The following CLTCL1 variants were observed in gnomAD, a reference collection of about 807,000 sequenced individuals.
The protein encoded by CLTCL1 is clathrin heavy chain like 1.
A neutral mutation model predicts 190.0 loss-of-function variants in CLTCL1; 159 were observed. That is an observed-to-expected ratio of 0.84 (90% CI 0.74 to 0.95). The LOEUF (loss-of-function observed/expected upper bound fraction) is 0.95, where lower values mean the gene tolerates loss of function less well. CLTCL1 is among the 40% of genes least tolerant of loss of function. The pLI, the probability that CLTCL1 is intolerant of heterozygous loss-of-function variation, is 0.00. For missense variants in CLTCL1, 1,878 were observed against 2,033.4 expected (o/e 0.92, Z 1.47); for synonymous variants, 752 against 769.6 (o/e 0.98, Z 0.38).
At chr22:19,258,824 AC>A in intron 2 of CLTCL1, 2 of 658,054 alleles carry the variant, frequency 3.0e-6, no homozygotes, top group South Asian at 1.5e-5. Context: ...GAAGCAGGGT[AC>A]CCTTTGGGGA....
chr22:19,191,400 C>T lies in CLTCL1; in HGVS notation c.4227G>A (p.Gln1409=). The T allele has an allele frequency of 6.2e-7, 1 of 1,613,970 alleles. No homozygotes were observed. The highest frequency in any genetic ancestry group is 8.5e-7 in the Non-Finnish European group (1 of 1,179,892). ...GCAGTGGTTTGTAATCCAAATAGAA[C>T]TGCAGGGCTCTGTAACAGAGCTCGA... is the stretch of plus-strand genomic sequence containing the variant. ...ANVELCYRAL[Q]FYLDYKPLLI... The change falls in exon 27 of 33, where the codon CAG becomes CAA. Residue 1409 remains glutamine (Q), a synonymous_variant. Transcript: ENST00000427926.
At chr22:19,262,868 T>C (rs1555976218) in intron 2 of CLTCL1, among the ~76,000 whole-genome samples, 1 of 151,156 alleles carries the variant, frequency 6.6e-6, no homozygotes, top group African/African-American at 2.4e-5. Flanking sequence ...CCATCTCTAC[T>C]AAAAATACAA....
chr22:19,281,616 T>C (rs1231408843), intron 1 of CLTCL1, among the ~76,000 whole-genome samples: 1 of 152,210 alleles, frequency 6.6e-6, no homozygotes, highest in African/African-American at 2.4e-5. Context: ...CTTGTCTACC[T>C]ATCTGGATTT....
chr22:19,209,185 T>C, intron 20 of CLTCL1, 71 bp from the exon 21 acceptor site: 2 of 1,406,382 alleles, frequency 1.4e-6, no homozygotes, highest in Non-Finnish European at 1.9e-6. Flanking sequence ...ACATTTTTGT[T>C]TGGTTTCCTG....
In CLTCL1 at chr22:19,181,055, G is replaced by C. The variant is rs1305354389; in HGVS notation, c.4828-249C>G. ...CAGGTGGGGCCCCCAGAGCTTCCCAGTGGGCACTGGGGCAGTCAGTTGTTA... is the reference window on the plus strand; with the variant it reads ...CAGGTGGGGCCCCCAGAGCTTCCCACTGGGCACTGGGGCAGTCAGTTGTTA... On this transcript the variant is annotated intron_variant, in intron 30 of 32. Coordinates refer to ENST00000427926, the MANE Select transcript of CLTCL1 (RefSeq NM_007098.4). 4 of 549,170 alleles carry C rather than the reference G, an allele frequency of 7.3e-6. No homozygotes were observed. In the Admixed American group the frequency reaches 1.2e-4, roughly 17 times the overall value. 34.0% of individuals were successfully genotyped at this position (549,170 alleles called of 1,614,324 possible). A position where few individuals can be genotyped will look rare whatever the true frequency, so the allele number is the denominator to read the frequency against.
intron 2 of CLTCL1, among the ~76,000 whole-genome samples, chr22:19,256,290 TG>T: frequency 6.6e-6 from 1 of 151,786 alleles, no homozygotes; most frequent in Admixed American, 6.6e-5. Flanking sequence ...CTCAAGTAGT[TG>T]GGACTATAGG....
intron 1 of CLTCL1, among the ~76,000 whole-genome samples, chr22:19,281,948 G>T (rs2087730332): frequency 6.6e-6 from 1 of 152,128 alleles, no homozygotes; most frequent in East Asian, 1.9e-4. Context: ...GAGAAGAGTG[G>T]ATCCAAAAAT....
At chr22:19,207,763 C>T (rs1365588132) in intron 22 of CLTCL1, 8 of 530,026 alleles carry the variant, frequency 1.5e-5, no homozygotes, top group Non-Finnish European at 2.7e-5. Context: ...TCACAGAGCA[C>T]AAACCCTATT....
At position 19,214,230 on chromosome 22, in the gene CLTCL1, A is replaced by G. The variant is rs1196283234; in HGVS notation, c.3065+1881T>C. ...CACATTCCCAGCAGGGGCACGTCAG[A>G]GGTCCAGCTGTTCAACATCCTCATC... On this transcript the variant is annotated intron_variant, in intron 19 of 32. Transcript: ENST00000427926. Among the ~76,000 whole-genome samples the G allele has an allele frequency of 2.0e-5, 3 of 152,184 alleles. No homozygotes were observed. In the East Asian group the frequency reaches 5.8e-4, roughly 29 times the overall value.
At chr22:19,284,470 GGCCAACAT>G (rs1192676171) in intron 1 of CLTCL1, among the ~76,000 whole-genome samples, 2 of 151,912 alleles carry the variant, frequency 1.3e-5, no homozygotes, top group Admixed American at 1.3e-4. Flanking sequence ...AGACCAGCCT[GGCCAACAT>G]AATGAAACCC....
intron 29 of CLTCL1, chr22:19,184,898 G>GTTTTTTAAT: frequency 1.2e-5 from 3 of 260,534 alleles, no homozygotes; most frequent in Non-Finnish European, 2.3e-5. Flanking sequence ...GCTTCATCCT[G>GTTTTTTAAT]GTCCCCATCC....
In CLTCL1 at chr22:19,187,719, C is replaced by A; in HGVS notation, c.4444G>T (p.Ala1482Ser). The A allele has an allele frequency of 6.2e-7, 1 of 1,613,524 alleles. No individual in the cohort carries two copies. The highest frequency in any genetic ancestry group is 8.5e-7 in the Non-Finnish European group (1 of 1,179,682). ...AAGTTGTCATAGGCATCGATAGATG[C>A]CCTTAAGCCCTAGGAAGACAGCCTT... ...TEEEDYQGLR[A>S]SIDAYDNFDN... Residue 1482 changes from alanine to serine, a missense_variant, in exon 29 of 33, where the codon GCA (alanine) becomes TCA (serine). Ala to Ser is a moderately conservative substitution (Grantham distance 99). Transcript: ENST00000427926.
intron 2 of CLTCL1, among the ~76,000 whole-genome samples, chr22:19,264,178 A>C (rs2087045192): frequency 6.6e-6 from 1 of 151,988 alleles, no homozygotes; most frequent in African/African-American, 2.4e-5. Context: ...GCATGCCTAT[A>C]GTCCTAGCTA....
intron 22 of CLTCL1, 54 bp from the exon 23 acceptor site, chr22:19,201,547 C>T: frequency 6.4e-7 from 1 of 1,560,138 alleles, no homozygotes; most frequent in Non-Finnish European, 8.8e-7. Flanking sequence ...AAGATTTCTC[C>T]AGAGTTGCTT....
chr22:19,264,834 G>C (rs115148222), intron 2 of CLTCL1, among the ~76,000 whole-genome samples: 1,768 of 151,924 alleles, frequency 0.012, 35 homozygotes, highest in African/African-American at 0.039. Flanking sequence ...TGGGGCCCAA[G>C]CTGGAGTGCA....
At chr22:19,200,043 G>C (rs536774850) in intron 23 of CLTCL1, among the ~76,000 whole-genome samples, 10 of 152,312 alleles carry the variant, frequency 6.6e-5, no homozygotes, top group Admixed American at 6.5e-4. Context: ...CAGGCCAAGG[G>C]GGTGCTTGAG....
At chr22:19,270,886 C>T (rs2087293878) in intron 2 of CLTCL1, among the ~76,000 whole-genome samples, 1 of 151,798 alleles carries the variant, frequency 6.6e-6, no homozygotes, top group Non-Finnish European at 1.5e-5. Flanking sequence ...AGCCTTAGAT[C>T]ACAGAGGAAA....
chr22:19,266,212 C>G (rs1373031207), intron 2 of CLTCL1, among the ~76,000 whole-genome samples: 1 of 152,002 alleles, frequency 6.6e-6, no homozygotes, highest in Non-Finnish European at 1.5e-5. Context: ...AAGAAAAAAA[C>G]AGAAGACACA....
intron 18 of CLTCL1, among the ~76,000 whole-genome samples, chr22:19,216,665 C>G (rs1489712625): frequency 6.6e-6 from 1 of 152,206 alleles, no homozygotes. Flanking sequence ...CAGTCCACAG[C>G]CAGAGCTGTG....
Sources: gnomAD v4.1 joint callset for allele counts (sites outside exome capture counted in the v4.1 genomes callset) on GRCh38, gnomAD v4.1.1 for gene constraint, MANE v1.5 for transcripts, NCBI Gene and HGNC (gene_info 2026-07-23, HGNC 2026-07-21) for gene names.